IFT25: variants seen among roughly 807,000 people sequenced by gnomAD.
IFT25 encodes intraflagellar transport protein 25 homolog.
At chr1:53,923,954 C>G in the IFT25 span, 3 of 1,581,084 alleles carry the variant, frequency 1.9e-6, 1 homozygote, top group Admixed American at 5.0e-5. Flanking sequence ...AAATCTAAAA[C>G]ATAAATGTAA....
At chr1:53,934,304 C>T in the IFT25 span, among the ~76,000 whole-genome samples, 1 of 152,280 alleles carries the variant, frequency 6.6e-6, no homozygotes, top group Non-Finnish European at 1.5e-5. Context: ...GCTTGTTTCT[C>T]CCTTCCCCAG....
At chr1:53,918,900 G>A in the IFT25 span, among the ~76,000 whole-genome samples, 4 of 152,064 alleles carry the variant, frequency 2.6e-5, no homozygotes, top group South Asian at 2.1e-4. Context: ...GTGCAATGGC[G>A]TGATCTCGGC....
the IFT25 span, among the ~76,000 whole-genome samples, chr1:53,944,730 A>C: frequency 6.6e-6 from 1 of 152,136 alleles, no homozygotes; most frequent in Non-Finnish European, 1.5e-5. Context: ...GCAGTTTACC[A>C]AAGGTGGTAC....
chr1:53,928,511 C>T, the IFT25 span: 18 of 1,148,708 alleles, frequency 1.6e-5, no homozygotes, highest in Admixed American at 3.1e-4. Context: ...TTCTTTTTCC[C>T]TCTGCCTGAG....
chr1:53,921,438 T>A, the IFT25 span: 2 of 466,950 alleles, frequency 4.3e-6, no homozygotes, highest in Non-Finnish European at 7.7e-6. Context: ...CTTCCTTGAT[T>A]AAGCTATATA....
the IFT25 span, among the ~76,000 whole-genome samples, chr1:53,933,779 C>T: frequency 5.9e-5 from 9 of 152,064 alleles, no homozygotes; most frequent in Non-Finnish European, 1.0e-4. Context: ...TTGTCTCTCC[C>T]TCCTATTCTT....
At chr1:53,926,064 T>A in the IFT25 span, among the ~76,000 whole-genome samples, 1 of 140,216 alleles carries the variant, frequency 7.1e-6, no homozygotes, top group Middle Eastern at 3.4e-3. Flanking sequence ...ATTGCGCCAC[T>A]GCACTCCAGT....
chr1:53,919,775 T>C, the IFT25 span, among the ~76,000 whole-genome samples: 1 of 151,362 alleles, frequency 6.6e-6, no homozygotes. Context: ...TTTAATTTCA[T>C]GCAAATCAAT....
the IFT25 span, among the ~76,000 whole-genome samples, chr1:53,940,901 C>G: frequency 6.6e-6 from 1 of 151,612 alleles, no homozygotes; most frequent in Non-Finnish European, 1.5e-5. Flanking sequence ...CTGTAGAGGC[C>G]AGGTGTGGTG....
At chr1:53,922,394 C>CAA in the IFT25 span, among the ~76,000 whole-genome samples, 2 of 94,684 alleles carry the variant, frequency 2.1e-5, no homozygotes, top group South Asian at 3.7e-4. Context: ...AATTCCGTCT[C>CAA]AAAAAAAAAA....
At chr1:53,922,784 A>C in the IFT25 span, among the ~76,000 whole-genome samples, 1 of 152,224 alleles carries the variant, frequency 6.6e-6, no homozygotes, top group Non-Finnish European at 1.5e-5. Flanking sequence ...CTGTGATATA[A>C]TACTAAGTTA....
At chr1:53,942,644 T>C in the IFT25 span, among the ~76,000 whole-genome samples, 1 of 152,222 alleles carries the variant, frequency 6.6e-6, no homozygotes, top group African/African-American at 2.4e-5. Context: ...AACAGTGTAC[T>C]CTATCTGCCC....
chr1:53,937,775 C>T, the IFT25 span, among the ~76,000 whole-genome samples: 1 of 152,202 alleles, frequency 6.6e-6, no homozygotes, highest in African/African-American at 2.4e-5. Context: ...GGAAAGTCCT[C>T]TATTTCTGGC....
At chr1:53,917,859 T>C in the IFT25 span, among the ~76,000 whole-genome samples, 1 of 152,034 alleles carries the variant, frequency 6.6e-6, no homozygotes, top group Non-Finnish European at 1.5e-5. Context: ...ATTTTTCAGT[T>C]TGTCTATTCA....
chr1:53,940,151 C>G, the IFT25 span: 15 of 898,230 alleles, frequency 1.7e-5, 1 homozygote, highest in South Asian at 2.2e-4. Flanking sequence ...TAAACTTTAT[C>G]TGAGAAAACG....
chr1:53,931,176 TTTTG>T, the IFT25 span, among the ~76,000 whole-genome samples: 2 of 152,146 alleles, frequency 1.3e-5, no homozygotes, highest in Non-Finnish European at 2.9e-5. Flanking sequence ...CCATTCGTGA[TTTTG>T]TTTGATATTT....
At chr1:53,913,815 ACT>A in the IFT25 span, among the ~76,000 whole-genome samples, 3 of 151,986 alleles carry the variant, frequency 2.0e-5, no homozygotes, top group East Asian at 3.9e-4. Context: ...ACCAGAGTGC[ACT>A]CTCTGCACAC....
At chr1:53,915,149 A>T in the IFT25 span, among the ~76,000 whole-genome samples, 1 of 152,230 alleles carries the variant, frequency 6.6e-6, no homozygotes, top group African/African-American at 2.4e-5. Context: ...ATGTTCACTT[A>T]TTCAGTCAAC....
the IFT25 span, chr1:53,930,296 T>A: frequency 1.3e-6 from 1 of 753,138 alleles, no homozygotes; most frequent in Non-Finnish European, 2.0e-6. Context: ...TCTCCAACTT[T>A]AATAATTCTT....
Sources: gnomAD v4.1 joint callset for allele counts (sites outside exome capture counted in the v4.1 genomes callset) on GRCh38, gnomAD v4.1.1 for gene constraint, MANE v1.5 for transcripts, NCBI Gene and HGNC (gene_info 2026-07-23, HGNC 2026-07-21) for gene names.